Variants in RRBP1 observed in about 807,000 individuals in gnomAD.
RRBP1 encodes ribosome-binding protein 1.
A neutral mutation model predicts 165.2 loss-of-function variants in RRBP1; 94 were observed. That is an observed-to-expected ratio of 0.57 (90% CI 0.48 to 0.68). The LOEUF is 0.68. Among genes scored for constraint, RRBP1 ranks in the 30% least tolerant of loss-of-function variants. The probability of loss-of-function intolerance (pLI) is 0.00; values close to 1 mark genes in which losing one functional copy is unlikely to be tolerated. For synonymous variants in RRBP1, 680 were observed against 714.5 expected, an observed-to-expected ratio of 0.95 and a Z score of 0.77; for missense variants, 1,676 against 1,763.0, an observed-to-expected ratio of 0.95 and a Z score of 0.88.
intron 3 of RRBP1, among the ~76,000 whole-genome samples, chr20:17,652,408 G>A (rs919250799): frequency 2.6e-5 from 4 of 152,038 alleles, no homozygotes; most frequent in Non-Finnish European, 1.5e-5. Context: ...CACAGCCCTA[G>A]GCCCTACACC....
chr20:17,617,232 G>T (rs1568750678), intron 20 of RRBP1, among the ~76,000 whole-genome samples: 1 of 152,234 alleles, frequency 6.6e-6, no homozygotes, highest in Non-Finnish European at 1.5e-5. Flanking sequence ...CCTTTCCGGG[G>T]TCTAGAAAAG....
rs770473507 is a variant in RRBP1 at position 17,658,705 on chromosome 20, CTCTG to C, written c.1799_1802del (p.Thr600SerfsTer98). On this transcript the variant is annotated frameshift_variant, in exon 3 of 25. Transcript: ENST00000377813. LOFTEE classifies it high-confidence loss of function. ...TATTTCTGCCCTGGACAGAAGCTGA[CTCTG>C]TCTTTTTACCCTGATTGGCAGCTGC... 5 of 1,614,254 alleles carry C rather than the reference CTCTG, an allele frequency of 3.1e-6. No individual in the cohort carries two copies. The highest frequency in any genetic ancestry group is 3.4e-6 in the Non-Finnish European group (4 of 1,180,050).
intron 2 of RRBP1, among the ~76,000 whole-genome samples, chr20:17,675,771 G>A (rs77814621): frequency 0.05 from 7,552 of 152,342 alleles, 253 homozygotes; most frequent in Middle Eastern, 0.13. Context: ...GAGCGAAAGT[G>A]CCCTGAGAGG....
chr20:17,659,814 T>A lies in RRBP1; in HGVS notation c.694A>T (p.Thr232Ser), dbSNP rs1010826767. The change falls in exon 3 of 25, where the codon ACA becomes TCA. Residue 232 changes from threonine to serine, a missense_variant. This residue lies in a region of RRBP1 where 392 missense variants were observed against 382.5 expected (regional missense o/e 1.02). Transcript: ENST00000377813. ...AEGTPNQGKK[T>S]EGTPNQGKKA... The stretch of plus-strand genomic sequence containing the variant: ...TTCCCTTGGTTTGGGGTTCCCTCTG[T>A]CTTTTTGCCCTGGTTTGGGGTTCCC... The A allele has an allele frequency of 6.5e-7, 1 of 1,546,646 alleles. No individual in the cohort carries two copies. The highest frequency in any genetic ancestry group is 8.7e-7 in the Non-Finnish European group (1 of 1,145,536).
At chr20:17,637,123 T>C (rs1417145009) in intron 5 of RRBP1, among the ~76,000 whole-genome samples, 1 of 150,816 alleles carries the variant, frequency 6.6e-6, no homozygotes, top group Admixed American at 6.6e-5. Context: ...TCTACTCAAG[T>C]GCCTTCATCA....
chr20:17,647,082 G>GCTCAGCTCCA (rs2036478572), intron 3 of RRBP1, among the ~76,000 whole-genome samples: 1 of 152,146 alleles, frequency 6.6e-6, no homozygotes, highest in Non-Finnish European at 1.5e-5. Context: ...AAAAGGCTCC[G>GCTCAGCTCCA]GCTCAGCTCC....
intron 5 of RRBP1, among the ~76,000 whole-genome samples, chr20:17,636,988 G>A (rs6044924): frequency 0.052 from 7,989 of 152,246 alleles, 631 homozygotes; most frequent in African/African-American, 0.17. Flanking sequence ...TGGCAGATGC[G>A]GCAGGAACAG....
intron 23 of RRBP1, 40 bp from the exon 24 acceptor site, chr20:17,614,920 G>T (rs200450801): frequency 1.9e-6 from 3 of 1,605,108 alleles, no homozygotes; most frequent in Admixed American, 3.3e-5. Context: ...CCCTTGCACC[G>T]GCAGGAGGGC....
intron 3 of RRBP1, among the ~76,000 whole-genome samples, chr20:17,651,177 G>A (rs1157583884): frequency 6.6e-6 from 1 of 152,186 alleles, no homozygotes; most frequent in African/African-American, 2.4e-5. Flanking sequence ...TCCCACGTCT[G>A]GGTTTATAAT....
chr20:17,619,831 G>A (rs1277916273), intron 18 of RRBP1, 103 bp from the exon 19 acceptor site: 21 of 748,076 alleles, frequency 2.8e-5, no homozygotes, highest in Admixed American at 6.5e-5. Context: ...GAGGCCTCTC[G>A]GGAGATCCCT....
chr20:17,643,025 T>A lies in RRBP1; in HGVS notation c.2015A>T (p.Glu672Val). The A allele has an allele frequency of 6.2e-7, 1 of 1,614,024 alleles. No individual in the cohort carries two copies. ...GATGCCAGCCTTCTCAGACAGGATC[T>A]CGATGAGCCGCTGGGCCTCGCCCTC... Reference protein sequence around the residue: ...FNEGEAQRLIEILSEKAGIIQ... With the variant: ...FNEGEAQRLIVILSEKAGIIQ... The change falls in exon 4 of 25, where the codon GAG (glutamate) becomes GTG (valine). Residue 672 changes from glutamate (E) to valine (V), a missense_variant. By Grantham distance (121) the Glu-to-Val change is moderately radical. Coordinates refer to ENST00000377813, the MANE Select transcript of RRBP1 (RefSeq NM_001365613.2). This position sits in a 1 kb window ranked among gnomAD's most constrained non-coding sequence, Gnocchi z 4.3.
chr20:17,635,758 A>G (rs1478678644), intron 6 of RRBP1, 94 bp from the exon 7 acceptor site: 1 of 919,894 alleles, frequency 1.1e-6, no homozygotes, highest in Non-Finnish European at 1.7e-6. Context: ...AGCCCACAAA[A>G]GAAAACCCCC....
At chr20:17,616,550 T>C (rs550009417) in intron 21 of RRBP1, among the ~76,000 whole-genome samples, 182 bp downstream of exon 21, 27 of 152,268 alleles carry the variant, frequency 1.8e-4, no homozygotes, top group Non-Finnish European at 3.8e-4. Flanking sequence ...CTGGCCACCT[T>C]TCTGTTCCAT....
intron 9 of RRBP1, among the ~76,000 whole-genome samples, chr20:17,627,897 C>T (rs748941554): frequency 2.6e-5 from 4 of 152,136 alleles, no homozygotes; most frequent in East Asian, 3.9e-4. Context: ...TTCTGAGAAC[C>T]GTCAGGGTAG....
chr20:17,635,397 C>A (rs1003854857), intron 7 of RRBP1, 149 bp downstream of exon 7: 34 of 623,406 alleles, frequency 5.5e-5, no homozygotes, highest in Admixed American at 9.1e-5. Flanking sequence ...GGCCCAGAAC[C>A]CAGACGGGAG....
chr20:17,627,348 C>T lies in RRBP1; in HGVS notation c.2963G>A (p.Arg988His), dbSNP rs774800779. ...SQAEADQQQT[R>H]LKELESQVSG... ...CAGGCAGGCTGCTTCCCCAGCTTAC[C>T]GAGTCTGCTGCTGGTCAGCCTCCGC... Residue 988 changes from arginine (R) to histidine (H), a missense_variant and splice_region_variant, in exon 11 of 25, where the codon CGC becomes CAC. Around this residue, in one of 5 missense-constraint regions of RRBP1, gnomAD observed 1,184 missense variants for 1,167.1 expected, o/e 1.01. Coordinates refer to ENST00000377813, the MANE Select transcript of RRBP1 (RefSeq NM_001365613.2). 16 of 1,613,220 alleles carry T rather than the reference C, an allele frequency of 9.9e-6. No homozygotes were observed. Among genetic ancestry groups the T allele is most frequent in the Non-Finnish European group, 5.9e-6 (7 of 1,179,936 alleles).
In RRBP1 at chr20:17,643,052, T is replaced by C. The variant is rs753864834; in HGVS notation, c.1988A>G (p.Asn663Ser). Residue 663 changes from asparagine (N) to serine (S), a missense_variant, in exon 4 of 25, where the codon AAC becomes AGC. Asn to Ser is a conservative substitution (Grantham distance 46, BLOSUM62 1). Transcript: ENST00000377813. This position sits in a 1 kb window ranked among gnomAD's most constrained non-coding sequence, Gnocchi z 4.3. ...GATGAGCCGCTGGGCCTCGCCCTCGTTGAACACCATGCTCCCAACCGTGGA... is the reference window on the plus strand; with the variant it reads ...GATGAGCCGCTGGGCCTCGCCCTCGCTGAACACCATGCTCCCAACCGTGGA... ...LVSTVGSMVF[N>S]EGEAQRLIEI... 2.8e-5 allele frequency: 45 copies of C among 1,613,980 alleles called. No homozygotes were observed. Among genetic ancestry groups the C allele is most frequent in the Non-Finnish European group, 3.5e-5 (41 of 1,180,028 alleles).
chr20:17,674,276 C>A (rs1487249064), intron 2 of RRBP1, among the ~76,000 whole-genome samples: 1 of 152,110 alleles, frequency 6.6e-6, no homozygotes, highest in Non-Finnish European at 1.5e-5. Flanking sequence ...TGGGGCTGGA[C>A]GTAGTATTGC....
At chr20:17,666,027 A>G (rs542447127) in intron 2 of RRBP1, among the ~76,000 whole-genome samples, 97 of 152,266 alleles carry the variant, frequency 6.4e-4, no homozygotes, top group South Asian at 3.9e-3. Context: ...ACTTTGTTCC[A>G]CTGTTATATT....
Sources: allele counts gnomAD v4.1 joint callset (sites outside exome capture counted in the v4.1 genomes callset), GRCh38; gene constraint gnomAD v4.1.1; regional missense constraint gnomAD v4.1.1; non-coding constraint Gnocchi (gnomAD v3.1); transcripts MANE v1.5; gene names NCBI Gene and HGNC (gene_info 2026-07-23, HGNC 2026-07-21).